The following BEND7 variants were observed in gnomAD, a reference collection of about 807,000 sequenced individuals.
BEND7 encodes the protein BEN domain-containing protein 7.
A neutral mutation model predicts 50.9 loss-of-function variants in BEND7; 28 were observed. The ratio of observed to expected loss-of-function variants is 0.55; its 90% CI spans 0.41 to 0.75. The LOEUF is 0.75. Ranked by LOEUF, BEND7 falls within the 30% of genes least tolerant of loss-of-function variation. BEND7 has a pLI of 0.00. For synonymous variants in BEND7, 170 were observed against 183.9 expected (o/e 0.92, Z 0.61); for missense variants, 477 against 491.3 (o/e 0.97, Z 0.28).
At chr10:13,445,181 A>T (rs1449645285) in intron 8 of BEND7, 1 of 152,216 alleles carries the variant, frequency 6.6e-6, no homozygotes, top group East Asian at 1.9e-4. Context: ...ATTTGTATCA[A>T]ATATCTATCA....
intron 2 of BEND7, 32 bp from the exon 3 acceptor site, chr10:13,500,112 A>T (rs1177841318): frequency 6.1e-6 from 9 of 1,486,306 alleles, no homozygotes; most frequent in Non-Finnish European, 6.4e-6. Context: ...TTAGCACTCT[A>T]AATTAGTGAA....
At chr10:13,516,729 GA>G (rs968278716) in intron 2 of BEND7, among the ~76,000 whole-genome samples, 27 of 150,926 alleles carry the variant, frequency 1.8e-4, no homozygotes, top group Middle Eastern at 3.4e-3. Context: ...TAACTCAAAG[GA>G]AAAAAAAATT....
chr10:13,498,461 T>C (rs998325351), intron 3 of BEND7, among the ~76,000 whole-genome samples: 2 of 152,228 alleles, frequency 1.3e-5, no homozygotes, highest in African/African-American at 2.4e-5. Context: ...CTTCATACTT[T>C]TCAAAGTAAA....
intron 2 of BEND7, 100 bp downstream of exon 2, chr10:13,526,038 A>G (rs1431335583): frequency 2.1e-6 from 1 of 486,552 alleles, no homozygotes; most frequent in African/African-American, 2.0e-5. Context: ...TACATTAAGC[A>G]ATGGCAGACA....
At chr10:13,529,148 G>A (rs2079581452), upstream of BEND7, among the ~76,000 whole-genome samples, 1 of 143,924 alleles carries the variant, frequency 6.9e-6, no homozygotes, top group African/African-American at 2.5e-5. Context: ...GCCGCCGCCG[G>A]CCTGGCCGCG....
At chr10:13,498,947 T>C (rs1446471588) in intron 3 of BEND7, among the ~76,000 whole-genome samples, 1 of 152,238 alleles carries the variant, frequency 6.6e-6, no homozygotes, top group African/African-American at 2.4e-5. Context: ...GTTCTCTTTT[T>C]CTTGAAGGAT....
intron 4 of BEND7, among the ~76,000 whole-genome samples, chr10:13,493,214 G>A (rs2076794072): frequency 6.6e-6 from 1 of 152,196 alleles, no homozygotes; most frequent in Non-Finnish European, 1.5e-5. Flanking sequence ...TTAAATAAAT[G>A]AGAACTTCGG....
intron 2 of BEND7, among the ~76,000 whole-genome samples, chr10:13,508,157 C>T (rs976716434): frequency 1.3e-5 from 2 of 152,182 alleles, no homozygotes; most frequent in African/African-American, 2.4e-5. Flanking sequence ...AGGCTGGCAC[C>T]TCTTTCCAGA....
chr10:13,499,994 C>T lies in BEND7; in HGVS notation c.232G>A (p.Gly78Ser), dbSNP rs2077323961. The T allele has an allele frequency of 6.2e-7, 1 of 1,614,048 alleles. No homozygotes were observed. Among genetic ancestry groups the T allele is most frequent in the Non-Finnish European group, 8.5e-7 (1 of 1,180,034 alleles). Residue 78 changes from glycine to serine, a missense_variant, in exon 3 of 9, where the codon GGC becomes AGC. Transcript: ENST00000466271. ...TCTTTTAGTTTCTCTCCTTCTTTGCCAACTCGCTGATAGATCCGCCCAGTG... is the reference window on the plus strand; with the variant it reads ...TCTTTTAGTTTCTCTCCTTCTTTGCTAACTCGCTGATAGATCCGCCCAGTG... The part of the protein sequence containing the change: ...DSTGRIYQRV[G>S]KEGEKLKEEP...
chr10:13,457,432 A>C (rs1475651845), intron 6 of BEND7, among the ~76,000 whole-genome samples: 1 of 152,248 alleles, frequency 6.6e-6, no homozygotes, highest in African/African-American at 2.4e-5. Flanking sequence ...CAATAGAAAG[A>C]AGCCAAGAAA....
intron 3 of BEND7, among the ~76,000 whole-genome samples, chr10:13,499,070 A>G (rs1398435650): frequency 1.3e-5 from 2 of 152,212 alleles, no homozygotes; most frequent in Non-Finnish European, 2.9e-5. Flanking sequence ...GCACATCTCT[A>G]CAGAGTTTAT....
At chr10:13,496,694 G>T in intron 4 of BEND7, 72 bp downstream of exon 4, 2 of 1,520,234 alleles carry the variant, frequency 1.3e-6, no homozygotes, top group South Asian at 1.3e-5. Flanking sequence ...AAAGCACAAT[G>T]AACATTCCAA....
rs1835347304 is a variant in BEND7, at chr10:13,441,678, G to A, written c.*65C>T. On this transcript the variant is annotated 3_prime_UTR_variant, in exon 9 of 9. Transcript: ENST00000466271. ...CCTTGGGTAGTAGCTCCTTGTGGGAGGCAGAGGACGGATTTTAAAACCCAT... is the reference window on the plus strand; with the variant it reads ...CCTTGGGTAGTAGCTCCTTGTGGGAAGCAGAGGACGGATTTTAAAACCCAT... 3 of 1,610,406 alleles carry A rather than the reference G, an allele frequency of 1.9e-6. No individual in the cohort carries two copies. The highest frequency in any genetic ancestry group is 1.3e-5 in the African/African-American group (1 of 74,674).
chr10:13,439,466 C>G (rs76298779), downstream of BEND7: 1,080 of 1,612,636 alleles, frequency 6.7e-4, 1 homozygote, highest in Non-Finnish European at 8.2e-4. Flanking sequence ...CACTCCCACC[C>G]GGCAGAACAG....
intron 8 of BEND7, chr10:13,444,532 T>A (rs1384193040): frequency 6.6e-6 from 1 of 152,224 alleles, no homozygotes; most frequent in Non-Finnish European, 1.5e-5. Flanking sequence ...TAACTGTTGC[T>A]AGCTCAGATA....
downstream of BEND7, chr10:13,439,133 G>A: frequency 6.7e-7 from 1 of 1,501,568 alleles, no homozygotes; most frequent in South Asian, 1.3e-5. Flanking sequence ...CCAGTGGAAA[G>A]ATGGGTGATA....
At chr10:13,460,731 G>A (rs1840042115) in intron 6 of BEND7, among the ~76,000 whole-genome samples, 1 of 152,168 alleles carries the variant, frequency 6.6e-6, no homozygotes, top group Non-Finnish European at 1.5e-5. Flanking sequence ...TTTTTCTCAC[G>A]TTTTTGTTGA....
chr10:13,439,367 G>C, downstream of BEND7: 1 of 1,614,128 alleles, frequency 6.2e-7, no homozygotes, highest in East Asian at 2.2e-5. Flanking sequence ...TCAGGAGCAC[G>C]AGATGCTGCT....
chr10:13,475,921 GAAATA>G (rs1447081449), intron 6 of BEND7, among the ~76,000 whole-genome samples: 2 of 152,048 alleles, frequency 1.3e-5, no homozygotes, highest in Non-Finnish European at 2.9e-5. Flanking sequence ...CCTATAAACG[GAAATA>G]AAATAATCAA....
Sources: gnomAD v4.1 joint callset for allele counts (sites outside exome capture counted in the v4.1 genomes callset) on GRCh38, gnomAD v4.1.1 for gene constraint, MANE v1.5 for transcripts, NCBI Gene and HGNC (gene_info 2026-07-23, HGNC 2026-07-21) for gene names.